GALNT17: variants seen among roughly 807,000 people sequenced by gnomAD.
GALNT17 encodes the protein polypeptide N-acetylgalactosaminyltransferase 17.
In GALNT17, 29 loss-of-function variants were observed where a neutral mutation model predicts 63.7. The ratio of observed to expected loss-of-function variants is 0.46; its 90% CI spans 0.34 to 0.62. The LOEUF (loss-of-function observed/expected upper bound fraction) is 0.62. Ranked by LOEUF, GALNT17 falls within the 20% of genes least tolerant of loss-of-function variation. GALNT17 has a pLI of 0.01. For synonymous variants in GALNT17, 305 were observed against 318.3 expected, an observed-to-expected ratio of 0.96 and a Z score of 0.45; for missense variants, 603 against 799.6, an observed-to-expected ratio of 0.75 and a Z score of 2.97.
intron 5 of GALNT17, among the ~76,000 whole-genome samples, chr7:71,480,039 A>G (rs1406012806): frequency 2.0e-5 from 3 of 151,970 alleles, no homozygotes; most frequent in Non-Finnish European, 2.9e-5. Context: ...TGGACTCCCA[A>G]TATTTGATGC....
chr7:71,332,523 C>T (rs73181630), intron 1 of GALNT17, among the ~76,000 whole-genome samples: 2 of 151,936 alleles, frequency 1.3e-5, no homozygotes, highest in East Asian at 3.9e-4. Context: ...GCAAGGTCAC[C>T]TATATATTTT....
At position 71,142,012 on chromosome 7, in the gene GALNT17, CTGTG is replaced by C. The variant is rs201770661; in HGVS notation, c.238+9004_238+9007del. ...TTCAGGCATGAGCCACCACATTTGG[CTGTG>C]TGTGTGTGTGTGTGTGTGTGTGTGT... On this transcript the variant is annotated intron_variant, in intron 1 of 10. Transcript: ENST00000333538. Among the ~76,000 whole-genome samples, 730 of 124,878 alleles carry C rather than the reference CTGTG, an allele frequency of 5.8e-3. 6 individuals are homozygous for C. The highest frequency in any genetic ancestry group is 0.02 in the African/African-American group (619 of 30,840). The allele number at this position is 124,878 out of a possible 152,430, so 81.9% of individuals were successfully genotyped here.
At chr7:71,512,211 C>T (rs574263884) in intron 5 of GALNT17, among the ~76,000 whole-genome samples, 4 of 152,078 alleles carry the variant, frequency 2.6e-5, no homozygotes, top group South Asian at 2.1e-4. Flanking sequence ...CACCTTGTTA[C>T]GCAGGCTGGT....
intron 1 of GALNT17, among the ~76,000 whole-genome samples, chr7:71,219,029 A>G (rs532098990): frequency 6.6e-6 from 1 of 152,256 alleles, no homozygotes; most frequent in African/African-American, 2.4e-5. Context: ...CCTGGTGCCA[A>G]AAAGGTTGGG....
At chr7:71,370,972 C>T (rs918385968) in intron 2 of GALNT17, among the ~76,000 whole-genome samples, 8 of 152,120 alleles carry the variant, frequency 5.3e-5, no homozygotes, top group African/African-American at 1.9e-4. Context: ...AGTTGGAGGT[C>T]CCCTTTAGTG....
chr7:71,178,117 C>T (rs1788671126), intron 1 of GALNT17, among the ~76,000 whole-genome samples: 3 of 152,186 alleles, frequency 2.0e-5, no homozygotes, highest in Admixed American at 2.0e-4. Context: ...AATAAATTCT[C>T]TAATTTTCTT....
At chr7:71,479,122 GT>G (rs796959751) in intron 5 of GALNT17, among the ~76,000 whole-genome samples, 1 of 152,146 alleles carries the variant, frequency 6.6e-6, no homozygotes, top group Non-Finnish European at 1.5e-5. Flanking sequence ...AATTAGGTGG[GT>G]TTTGGAAGAA....
chr7:71,231,756 G>A (rs1309246308), intron 1 of GALNT17, among the ~76,000 whole-genome samples: 1 of 151,038 alleles, frequency 6.6e-6, no homozygotes, highest in African/African-American at 2.4e-5. Context: ...GAGGGAGAGA[G>A]AGAGAGAGGG....
chr7:71,134,534 G>A (rs2116137206), intron 1 of GALNT17, among the ~76,000 whole-genome samples: 1 of 152,250 alleles, frequency 6.6e-6, no homozygotes, highest in Non-Finnish European at 1.5e-5. Flanking sequence ...TCTTCTCGAA[G>A]CCATTTGACA....
intron 1 of GALNT17, among the ~76,000 whole-genome samples, chr7:71,200,924 G>A (rs964340755): frequency 2.0e-5 from 3 of 151,722 alleles, no homozygotes; most frequent in Non-Finnish European, 2.9e-5. Context: ...ACATTTATAT[G>A]ATGTTATTTA....
In GALNT17 at chr7:71,517,315, T is replaced by C. The variant is rs540596282; in HGVS notation, c.963-53970T>C. On this transcript the variant is annotated intron_variant, in intron 5 of 10. Transcript: ENST00000333538. ...TTCTTACAGGATACTAATTTCATCA[T>C]TGGGGCCCCACTCACATCACCACTT... 7.9e-5 allele frequency among the ~76,000 whole-genome samples: 12 copies of C among 152,252 alleles called. No homozygotes were observed. In the South Asian group the frequency reaches 8.3e-4, roughly 11 times the overall value.
At chr7:71,221,231 A>G (rs369240728) in intron 1 of GALNT17, among the ~76,000 whole-genome samples, 56 of 152,150 alleles carry the variant, frequency 3.7e-4, no homozygotes, top group African/African-American at 1.2e-3. Flanking sequence ...GGAGAGCAGC[A>G]TTCTATCCAT....
intron 5 of GALNT17, among the ~76,000 whole-genome samples, chr7:71,428,742 C>A (rs908411763): frequency 6.6e-6 from 1 of 152,140 alleles, no homozygotes; most frequent in South Asian, 2.1e-4. Context: ...CGGCTGACAT[C>A]GTTTTTAAAG....
At chr7:71,133,067 G>C in intron 1 of GALNT17, 27 bp downstream of exon 1, 14 of 1,508,892 alleles carry the variant, frequency 9.3e-6, no homozygotes, top group Non-Finnish European at 1.2e-5. Flanking sequence ...GCGCCTCCGG[G>C]GCTCGACGCG....
chr7:71,183,442 A>G (rs892051218), intron 1 of GALNT17, among the ~76,000 whole-genome samples: 2 of 152,046 alleles, frequency 1.3e-5, no homozygotes, highest in African/African-American at 4.8e-5. Context: ...AGGTCAAGGG[A>G]CTTCCTGGGG....
At chr7:71,683,337 G>A (rs1173570592) in intron 9 of GALNT17, among the ~76,000 whole-genome samples, 1 of 152,056 alleles carries the variant, frequency 6.6e-6, no homozygotes, top group African/African-American at 2.4e-5. Flanking sequence ...CACTCCTTCT[G>A]TGCAAGGAGT....
intron 3 of GALNT17, among the ~76,000 whole-genome samples, chr7:71,414,974 A>G (rs1358106091): frequency 6.8e-6 from 1 of 147,348 alleles, no homozygotes. Flanking sequence ...TTATGCACAC[A>G]AAGTATCACT....
intron 1 of GALNT17, among the ~76,000 whole-genome samples, chr7:71,239,170 A>G (rs1238929590): frequency 6.6e-6 from 1 of 152,118 alleles, no homozygotes; most frequent in Non-Finnish European, 1.5e-5. Context: ...GATAGTAAAT[A>G]TTGTTTGGGC....
intron 1 of GALNT17, among the ~76,000 whole-genome samples, chr7:71,164,675 A>G (rs1271647455): frequency 3.3e-5 from 5 of 152,214 alleles, no homozygotes. Context: ...ACACATTTTC[A>G]AACAGTGTGG....
Sources: gnomAD v4.1 joint callset for allele counts (sites outside exome capture counted in the v4.1 genomes callset) on GRCh38, gnomAD v4.1.1 for gene constraint, MANE v1.5 for transcripts, NCBI Gene and HGNC (gene_info 2026-07-23, HGNC 2026-07-21) for gene names.